CNTNAP2: variants seen among roughly 807,000 people sequenced by gnomAD.
CNTNAP2 encodes the protein contactin associated protein 2, also known as contactin-associated protein-like 2.
In CNTNAP2, 98 loss-of-function variants were observed where a neutral mutation model predicts 155.2. The observed-to-expected ratio is 0.63, with a 90% CI of 0.54 to 0.75. The LOEUF is 0.75. Ranked by LOEUF, CNTNAP2 falls within the 30% of genes least tolerant of loss-of-function variation. The pLI is 0.00. For synonymous variants in CNTNAP2, 651 were observed against 631.2 expected, an observed-to-expected ratio of 1.03 and a Z score of -0.47; for missense variants, 1,727 against 1,688.1, an observed-to-expected ratio of 1.02 and a Z score of -0.40.
chr7:146,842,542 T>G (rs1803748662), intron 3 of CNTNAP2, among the ~76,000 whole-genome samples: 1 of 151,514 alleles, frequency 6.6e-6, no homozygotes, highest in African/African-American at 2.4e-5. Context: ...AAAAGAGTTT[T>G]GATTGACTCA....
At chr7:148,253,047 T>C (rs112785256) in intron 20 of CNTNAP2, among the ~76,000 whole-genome samples, 159 of 125,666 alleles carry the variant, frequency 1.3e-3, no homozygotes, top group African/African-American at 4.4e-3. Flanking sequence ...GATAGATAGA[T>C]AGACAGATGA....
At chr7:147,544,449 A>T (rs1366419326) in intron 11 of CNTNAP2, among the ~76,000 whole-genome samples, 1 of 152,108 alleles carries the variant, frequency 6.6e-6, no homozygotes, top group African/African-American at 2.4e-5. Flanking sequence ...GTTGGTGGGG[A>T]TGAGTTAAAA....
rs141971136 is a variant in CNTNAP2, at chr7:147,158,298, G to A, written c.1348+25789G>A. On this transcript the variant is annotated intron_variant, in intron 8 of 23. Transcript: ENST00000361727. ...ACTACATGAACTGCTAATGGAGTAA[G>A]TTTCCACCAAGCTTAAAAAACACCT... Among the ~76,000 whole-genome samples, 12 of 152,168 alleles carry A rather than the reference G, an allele frequency of 7.9e-5. No individual in the cohort carries two copies. In the East Asian group the frequency reaches 2.1e-3, roughly 27 times the overall value.
At chr7:147,841,575 T>A (rs1418117187) in intron 13 of CNTNAP2, among the ~76,000 whole-genome samples, 3 of 152,192 alleles carry the variant, frequency 2.0e-5, no homozygotes, top group African/African-American at 4.8e-5. Flanking sequence ...CGCTACCTAT[T>A]TCACAAAGTT....
chr7:146,759,711 A>AAT, intron 1 of CNTNAP2, among the ~76,000 whole-genome samples: 1 of 60,768 alleles, frequency 1.6e-5, no homozygotes, highest in Non-Finnish European at 3.2e-5. Flanking sequence ...AAAAAAAAAA[A>AAT]GGTGGGTGGG....
At chr7:148,248,365 AT>A (rs2116811618) in intron 20 of CNTNAP2, among the ~76,000 whole-genome samples, 1 of 152,108 alleles carries the variant, frequency 6.6e-6, no homozygotes, top group African/African-American at 2.4e-5. Context: ...CACCCGGCTA[AT>A]TTTTGTATTT....
intron 14 of CNTNAP2, among the ~76,000 whole-genome samples, chr7:147,927,603 CT>C (rs1397279947): frequency 6.6e-6 from 1 of 152,158 alleles, no homozygotes; most frequent in Non-Finnish European, 1.5e-5. Context: ...AAATAAATTT[CT>C]AAAACCAAGT....
intron 3 of CNTNAP2, among the ~76,000 whole-genome samples, chr7:146,899,835 A>C (rs1260272521): frequency 6.6e-6 from 1 of 152,200 alleles, no homozygotes; most frequent in African/African-American, 2.4e-5. Flanking sequence ...GTGCTTAGCA[A>C]ACTGCTCTAT....
At chr7:147,907,526 A>T (rs999437733) in intron 14 of CNTNAP2, among the ~76,000 whole-genome samples, 3 of 152,132 alleles carry the variant, frequency 2.0e-5, no homozygotes, top group Non-Finnish European at 4.4e-5. Flanking sequence ...TTGCTTCTAG[A>T]GACACTTTCT....
At chr7:147,892,111 A>C (rs1218659420) in intron 13 of CNTNAP2, among the ~76,000 whole-genome samples, 1 of 152,228 alleles carries the variant, frequency 6.6e-6, no homozygotes. Context: ...AATCCTAACA[A>C]ATGAGAAATG....
At chr7:147,084,671 G>C (rs948237285) in intron 4 of CNTNAP2, among the ~76,000 whole-genome samples, 1 of 145,706 alleles carries the variant, frequency 6.9e-6, no homozygotes, top group Non-Finnish European at 1.5e-5. Context: ...ATAATATATA[G>C]CATATATAAG....
chr7:148,012,143 C>A (rs770179571), intron 15 of CNTNAP2, among the ~76,000 whole-genome samples: 1 of 152,186 alleles, frequency 6.6e-6, no homozygotes, highest in African/African-American at 2.4e-5. Flanking sequence ...GCCTCAAACT[C>A]CTGGCCTCAA....
At chr7:146,316,853 G>T (rs767576082) in intron 1 of CNTNAP2, among the ~76,000 whole-genome samples, 26 of 151,968 alleles carry the variant, frequency 1.7e-4, no homozygotes, top group Admixed American at 7.9e-4. Context: ...CTATCAGAGG[G>T]GCACTGCTGC....
intron 14 of CNTNAP2, among the ~76,000 whole-genome samples, chr7:147,938,389 A>T (rs1438971269): frequency 1.3e-5 from 2 of 152,226 alleles, no homozygotes; most frequent in Non-Finnish European, 2.9e-5. Flanking sequence ...TGACCCATAC[A>T]TAAAAGAACT....
chr7:146,925,115 A>G (rs1435017255), intron 3 of CNTNAP2, among the ~76,000 whole-genome samples: 1 of 152,138 alleles, frequency 6.6e-6, no homozygotes, highest in Non-Finnish European at 1.5e-5. Flanking sequence ...TCTGTTTTAC[A>G]CAGAGAATAT....
chr7:147,038,917 G>A (rs765874105), intron 3 of CNTNAP2, among the ~76,000 whole-genome samples: 16 of 152,148 alleles, frequency 1.1e-4, no homozygotes, highest in South Asian at 4.1e-4. Context: ...AATCTAGAGC[G>A]TGATCATAAT....
chr7:147,370,453 G>C (rs1275397029), intron 9 of CNTNAP2, among the ~76,000 whole-genome samples: 1 of 152,134 alleles, frequency 6.6e-6, no homozygotes, highest in Non-Finnish European at 1.5e-5. Flanking sequence ...CAAGAAAACT[G>C]ATGGTTAAAT....
At chr7:146,903,427 A>G (rs1254369210) in intron 3 of CNTNAP2, among the ~76,000 whole-genome samples, 1 of 152,182 alleles carries the variant, frequency 6.6e-6, no homozygotes, top group Non-Finnish European at 1.5e-5. Flanking sequence ...CAAACTTAAT[A>G]TGTTAAAAAC....
At chr7:147,575,702 C>T (rs985828) in intron 12 of CNTNAP2, among the ~76,000 whole-genome samples, 104,593 of 151,714 alleles carry the variant, frequency 0.69, 36,608 homozygotes, top group African/African-American at 0.81. Context: ...TTTCAAAACA[C>T]GTATTTTAAA....
Sources: allele counts gnomAD v4.1 joint callset (sites outside exome capture counted in the v4.1 genomes callset), GRCh38; gene constraint gnomAD v4.1.1; transcripts MANE v1.5; gene names NCBI Gene and HGNC (gene_info 2026-07-23, HGNC 2026-07-21).